MARK1: variants seen among roughly 807,000 people sequenced by gnomAD.
MARK1 encodes microtubule affinity regulating kinase 1.
MARK1 carries 40 observed loss-of-function variants against 96.3 expected under a neutral mutation model. The ratio of observed to expected loss-of-function variants is 0.42; its 90% CI spans 0.32 to 0.54. MARK1 has a LOEUF of 0.54. MARK1 is among the 20% of genes least tolerant of loss of function. MARK1 has a pLI of 0.16. For synonymous variants in MARK1, 317 were observed against 341.2 expected, an observed-to-expected ratio of 0.93 and a Z score of 0.78; for missense variants, 719 against 984.6, an observed-to-expected ratio of 0.73 and a Z score of 3.61.
chr1:220,611,445 G>A (rs1404815108), intron 6 of MARK1, among the ~76,000 whole-genome samples: 1 of 152,176 alleles, frequency 6.6e-6, no homozygotes, highest in Non-Finnish European at 1.5e-5. Context: ...GTAGTATTTG[G>A]GTGGGGAGTG....
intron 3 of MARK1, among the ~76,000 whole-genome samples, chr1:220,582,213 T>C (rs544426953): frequency 1.8e-4 from 27 of 152,358 alleles, no homozygotes; most frequent in Non-Finnish European, 2.4e-4. Context: ...GTATAACTTT[T>C]CATAACACTG....
At chr1:220,546,200 C>A (rs1415618499) in intron 1 of MARK1, among the ~76,000 whole-genome samples, 1 of 152,204 alleles carries the variant, frequency 6.6e-6, no homozygotes, top group African/African-American at 2.4e-5. Flanking sequence ...TATGGTAATA[C>A]CCCTATTACA....
Position 220,555,777 on chromosome 1 carries a change from TAGAG to T in MARK1, c.52-23573_52-23570del, listed in dbSNP as rs141099244. Among the ~76,000 whole-genome samples, 1,163 of 152,092 alleles carry T rather than the reference TAGAG, an allele frequency of 7.6e-3. 14 individuals are homozygous for T. Among genetic ancestry groups the T allele is most frequent in the African/African-American group, 0.025 (1,052 of 41,460 alleles). On this transcript the variant is annotated intron_variant, in intron 1 of 17. Coordinates refer to ENST00000366917, the MANE Select transcript of MARK1 (RefSeq NM_018650.5). ...TCTAAAATTCAAGGAAGGTCATAGG[TAGAG>T]AGAAAGTTTGGGTGTCATATGGTAC...
intron 3 of MARK1, among the ~76,000 whole-genome samples, chr1:220,588,928 C>T (rs1664817606): frequency 6.6e-6 from 1 of 152,172 alleles, no homozygotes; most frequent in African/African-American, 2.4e-5. Flanking sequence ...TCCTATCCCT[C>T]CTGAAACCCA....
chr1:220,617,674 T>C (rs1364896504), intron 7 of MARK1, among the ~76,000 whole-genome samples: 1 of 152,108 alleles, frequency 6.6e-6, no homozygotes, highest in Non-Finnish European at 1.5e-5. Flanking sequence ...CTATGTAAAA[T>C]ATACATCAAG....
At chr1:220,646,569 A>G (rs984096579) in intron 13 of MARK1, among the ~76,000 whole-genome samples, 12 of 152,214 alleles carry the variant, frequency 7.9e-5, no homozygotes, top group African/African-American at 2.7e-4. Context: ...TAAAATTCAT[A>G]TGGAACCAAA....
At chr1:220,568,717 CTG>C (rs1174958722) in intron 1 of MARK1, among the ~76,000 whole-genome samples, 3 of 152,142 alleles carry the variant, frequency 2.0e-5, no homozygotes, top group Non-Finnish European at 4.4e-5. Context: ...TGGAGATAGT[CTG>C]TGCTTATTGA....
intron 16 of MARK1, among the ~76,000 whole-genome samples, chr1:220,653,937 G>A (rs949068194): frequency 3.9e-5 from 6 of 152,136 alleles, no homozygotes; most frequent in South Asian, 4.1e-4. Context: ...CTATGCATAC[G>A]TGTACAGTGC....
At chr1:220,599,397 A>G (rs1385418825) in intron 4 of MARK1, among the ~76,000 whole-genome samples, 2 of 152,118 alleles carry the variant, frequency 1.3e-5, no homozygotes, top group Non-Finnish European at 2.9e-5. Flanking sequence ...TATCACAGAA[A>G]TACAGAAATT....
intron 1 of MARK1, among the ~76,000 whole-genome samples, chr1:220,561,402 G>A (rs13375986): frequency 0.02 from 3,064 of 152,124 alleles, 102 homozygotes; most frequent in African/African-American, 0.068. Context: ...GCTGTCATTA[G>A]TGTTATTTTA....
At chr1:220,564,918 T>C (rs1662931641) in intron 1 of MARK1, among the ~76,000 whole-genome samples, 1 of 152,152 alleles carries the variant, frequency 6.6e-6, no homozygotes, top group Non-Finnish European at 1.5e-5. Context: ...CAATATAATT[T>C]CCTCTTTATT....
chr1:220,552,065 T>G (rs1256757499), intron 1 of MARK1, among the ~76,000 whole-genome samples: 1 of 152,210 alleles, frequency 6.6e-6, no homozygotes, highest in Non-Finnish European at 1.5e-5. Context: ...CTTACAGACA[T>G]TATGTAATAG....
intron 1 of MARK1, among the ~76,000 whole-genome samples, chr1:220,552,855 C>G (rs1028352656): frequency 1.3e-5 from 2 of 152,166 alleles, no homozygotes; most frequent in African/African-American, 4.8e-5. Context: ...GCCCACTCCA[C>G]CCCCTGCCGC....
chr1:220,629,393 G>A (rs1188514421), intron 9 of MARK1, among the ~76,000 whole-genome samples: 2 of 146,910 alleles, frequency 1.4e-5, no homozygotes, highest in African/African-American at 2.5e-5. Flanking sequence ...TAAAAAACAC[G>A]TAACATATAT....
intron 1 of MARK1, among the ~76,000 whole-genome samples, chr1:220,550,190 G>A (rs1395330758): frequency 6.6e-6 from 1 of 152,180 alleles, no homozygotes; most frequent in Non-Finnish European, 1.5e-5. Context: ...ATAAAGGCAA[G>A]TCTTAAGTCA....
chr1:220,660,284 C>T (rs1015024344), intron 17 of MARK1, among the ~76,000 whole-genome samples: 4 of 152,092 alleles, frequency 2.6e-5, no homozygotes, highest in South Asian at 2.1e-4. Context: ...ATAGAGAACA[C>T]GATGAAGTAA....
chr1:220,639,154 G>A (rs1668131556), intron 13 of MARK1, among the ~76,000 whole-genome samples: 1 of 152,120 alleles, frequency 6.6e-6, no homozygotes, highest in African/African-American at 2.4e-5. Flanking sequence ...TACCTGGAAG[G>A]CTGAGGAGGG....
intron 13 of MARK1, 141 bp from the exon 14 acceptor site, chr1:220,650,479 G>A: frequency 6.9e-6 from 4 of 581,582 alleles, no homozygotes; most frequent in Non-Finnish European, 1.2e-5. Flanking sequence ...ATTAGAGAGA[G>A]GCAGGGGATA....
intron 1 of MARK1, among the ~76,000 whole-genome samples, chr1:220,534,867 T>C (rs1660575222): frequency 6.6e-6 from 1 of 151,758 alleles, no homozygotes; most frequent in Admixed American, 6.6e-5. Flanking sequence ...CTGTCTTTTT[T>C]ATAGCTGAAT....
Sources: allele counts gnomAD v4.1 joint callset (sites outside exome capture counted in the v4.1 genomes callset), GRCh38; gene constraint gnomAD v4.1.1; transcripts MANE v1.5; gene names NCBI Gene and HGNC (gene_info 2026-07-23, HGNC 2026-07-21).